AUTS2: variants seen among roughly 807,000 people sequenced by gnomAD.
AUTS2 encodes autism susceptibility gene 2 protein.
A neutral mutation model predicts 112.4 loss-of-function variants in AUTS2; 17 were observed. The ratio of observed to expected loss-of-function variants is 0.15; its 90% CI spans 0.10 to 0.23. The LOEUF (loss-of-function observed/expected upper bound fraction) is 0.23. Ranked by LOEUF, AUTS2 falls within the 10% of genes least tolerant of loss-of-function variation. The pLI is 1.00. For synonymous variants in AUTS2, 751 were observed against 702.7 expected (o/e 1.07, Z -1.09); for missense variants, 1,510 against 1,701.6 (o/e 0.89, Z 1.98).
At chr7:69,824,966 T>C (rs1023445629) in intron 1 of AUTS2, among the ~76,000 whole-genome samples, 1 of 152,210 alleles carries the variant, frequency 6.6e-6, no homozygotes, top group Admixed American at 6.5e-5. Flanking sequence ...TACTTCACTA[T>C]ACTTCGGTGG....
chr7:69,623,707 A>G (rs947626966), intron 1 of AUTS2, among the ~76,000 whole-genome samples: 1 of 152,038 alleles, frequency 6.6e-6, no homozygotes, highest in Admixed American at 6.6e-5. Flanking sequence ...TGAAAAGAAA[A>G]CATTCCTGTG....
chr7:70,708,669 A>G (rs1809872270), intron 6 of AUTS2, among the ~76,000 whole-genome samples: 1 of 152,088 alleles, frequency 6.6e-6, no homozygotes, highest in African/African-American at 2.4e-5. Flanking sequence ...CAGACCAAAA[A>G]TTGACCAGCC....
chr7:70,392,971 A>G (rs1793929115), intron 4 of AUTS2, among the ~76,000 whole-genome samples: 1 of 152,262 alleles, frequency 6.6e-6, no homozygotes, highest in Non-Finnish European at 1.5e-5. Context: ...CCCCAAGGAC[A>G]TGCATCCTCT....
intron 4 of AUTS2, among the ~76,000 whole-genome samples, chr7:70,339,633 T>C (rs574425263): frequency 7.6e-4 from 116 of 152,328 alleles, no homozygotes; most frequent in African/African-American, 2.7e-3. Context: ...ATTGTTAAAA[T>C]GATATGCAGG....
chr7:69,750,458 TAACA>T (rs1272616097), intron 1 of AUTS2, among the ~76,000 whole-genome samples: 2 of 148,910 alleles, frequency 1.3e-5, no homozygotes, highest in Non-Finnish European at 3.0e-5. Flanking sequence ...TATTTGTATA[TAACA>T]AATACTATGT....
intron 4 of AUTS2, among the ~76,000 whole-genome samples, chr7:70,244,949 G>A (rs1204552618): frequency 1.3e-5 from 2 of 151,476 alleles, no homozygotes; most frequent in Non-Finnish European, 2.9e-5. Flanking sequence ...GTAAAACCCC[G>A]TCTCTACTAA....
At chr7:69,654,771 A>C (rs555002270) in intron 1 of AUTS2, among the ~76,000 whole-genome samples, 25 of 151,922 alleles carry the variant, frequency 1.6e-4, no homozygotes, top group Non-Finnish European at 3.1e-4. Flanking sequence ...TTATATTTTC[A>C]ATGAACTAAG....
intron 1 of AUTS2, among the ~76,000 whole-genome samples, chr7:69,703,626 T>C (rs1797922328): frequency 6.6e-6 from 1 of 152,206 alleles, no homozygotes; most frequent in South Asian, 2.1e-4. Flanking sequence ...CTGTTTGCTC[T>C]CATCTGCTGG....
Position 69,670,555 on chromosome 7 carries a change from C to CAAAA in AUTS2, c.309+70626_309+70629dup, listed in dbSNP as rs200373158. Reference sequence around the variant, plus strand: ...CATGGTTGTTTTTTACTTGATCCCTCAAAAAAAAAAAAAAAAAAAAAAAAA... The same window carrying CAAAA: ...CATGGTTGTTTTTTACTTGATCCCTCAAAAAAAAAAAAAAAAAAAAAAAAAAAAA... On this transcript the variant is annotated intron_variant, in intron 1 of 18. Coordinates refer to ENST00000342771, the MANE Select transcript of AUTS2 (RefSeq NM_015570.4). 4.4e-4 allele frequency among the ~76,000 whole-genome samples: 52 copies of CAAAA among 119,056 alleles called. 2 individuals carry two copies. The highest frequency in any genetic ancestry group is 1.2e-3 in the East Asian group (5 of 4,234). The allele number at this position is 119,056 out of a possible 152,430, so 78.1% of individuals were successfully genotyped here.
chr7:70,016,501 G>A (rs765973254), intron 2 of AUTS2, among the ~76,000 whole-genome samples: 5 of 152,012 alleles, frequency 3.3e-5, no homozygotes, highest in Non-Finnish European at 5.9e-5. Context: ...CCAGTTTGGA[G>A]AGCGCACTAC....
At chr7:70,411,126 G>GA (rs1165928978) in intron 4 of AUTS2, among the ~76,000 whole-genome samples, 1 of 151,992 alleles carries the variant, frequency 6.6e-6, no homozygotes, top group Admixed American at 6.6e-5. Context: ...TGGCCTCCCA[G>GA]AGTGCTGGGA....
chr7:70,512,590 G>A (rs1799241235), intron 5 of AUTS2, among the ~76,000 whole-genome samples: 1 of 152,060 alleles, frequency 6.6e-6, no homozygotes, highest in African/African-American at 2.4e-5. Flanking sequence ...ACATGATTTG[G>A]GGTGAGCTTT....
intron 2 of AUTS2, among the ~76,000 whole-genome samples, chr7:70,071,274 G>T (rs535763535): frequency 6.6e-6 from 1 of 152,120 alleles, no homozygotes; most frequent in Non-Finnish European, 1.5e-5. Flanking sequence ...CTGCTTCTCT[G>T]TAGGGCTGGA....
At chr7:69,640,673 T>C (rs893803284) in intron 1 of AUTS2, among the ~76,000 whole-genome samples, 7 of 152,246 alleles carry the variant, frequency 4.6e-5, no homozygotes, top group Non-Finnish European at 7.3e-5. Flanking sequence ...TCAAATATTT[T>C]GGTTTAACCC....
At chr7:70,385,631 G>A (rs1452264436) in intron 4 of AUTS2, among the ~76,000 whole-genome samples, 1 of 152,184 alleles carries the variant, frequency 6.6e-6, no homozygotes, top group African/African-American at 2.4e-5. Context: ...AGCTACTTTG[G>A]GGGCTAAGGT....
chr7:69,731,274 A>G (rs778165908), intron 1 of AUTS2, among the ~76,000 whole-genome samples: 1 of 152,196 alleles, frequency 6.6e-6, no homozygotes, highest in Admixed American at 6.5e-5. Context: ...CCTGGAAGAC[A>G]TAGCCCAACC....
intron 5 of AUTS2, among the ~76,000 whole-genome samples, chr7:70,630,296 G>T (rs994251256): frequency 6.6e-6 from 1 of 151,998 alleles, no homozygotes; most frequent in African/African-American, 2.4e-5. Flanking sequence ...TTTTCATCTC[G>T]GTTGTAAAGC....
intron 4 of AUTS2, among the ~76,000 whole-genome samples, chr7:70,390,164 A>G (rs185733122): frequency 6.6e-6 from 1 of 152,338 alleles, no homozygotes. Context: ...ATTTCCTTGA[A>G]TTACGCATTG....
At chr7:69,847,432 C>CT (rs1771688537) in intron 1 of AUTS2, among the ~76,000 whole-genome samples, 1 of 152,160 alleles carries the variant, frequency 6.6e-6, no homozygotes, top group Admixed American at 6.5e-5. Flanking sequence ...GCATTTTGCT[C>CT]TAAGTGTGCT....
Sources: allele counts gnomAD v4.1 joint callset (sites outside exome capture counted in the v4.1 genomes callset), GRCh38; gene constraint gnomAD v4.1.1; transcripts MANE v1.5; gene names NCBI Gene and HGNC (gene_info 2026-07-23, HGNC 2026-07-21).